The following CNTNAP2 variants were observed in gnomAD, a reference collection of about 807,000 sequenced individuals.
CNTNAP2 encodes contactin associated protein 2.
In CNTNAP2, 98 loss-of-function variants were observed where a neutral mutation model predicts 155.2. That is an observed-to-expected ratio of 0.63 (90% CI 0.54 to 0.75). The LOEUF is 0.75. Among genes scored for constraint, CNTNAP2 ranks in the 30% least tolerant of loss-of-function variants. The probability of loss-of-function intolerance (pLI) is 0.00; values close to 1 mark genes in which losing one functional copy is unlikely to be tolerated. For synonymous variants in CNTNAP2, 651 were observed against 631.2 expected (o/e 1.03, Z -0.47); for missense variants, 1,727 against 1,688.1 (o/e 1.02, Z -0.40).
chr7:147,206,761 A>G lies in CNTNAP2; in HGVS notation c.1348+74252A>G, dbSNP rs76329904. Among the ~76,000 whole-genome samples the G allele has an allele frequency of 5.3e-5, 8 of 152,292 alleles. No individual in the cohort carries two copies. In the East Asian group the frequency reaches 1.5e-3, roughly 29 times the overall value. On this transcript the variant is annotated intron_variant, in intron 8 of 23. Transcript: ENST00000361727. ...CTCACTCATTTTTGTAATCTACCTC[A>G]TTAAAACAATCATAAAAACAAAACA... is the stretch of plus-strand genomic sequence containing the variant.
rs142779277 is a variant in CNTNAP2 at position 148,133,450 on chromosome 7, A to C, written c.2555-14041A>C. Among the ~76,000 whole-genome samples the C allele has an allele frequency of 3.9e-5, 6 of 152,240 alleles. No individual in the cohort carries two copies. The East Asian group carries it at 1.2e-3, about 29-fold the overall frequency. ...GCACTCCAGCCTGGGTGACAGAATG[A>C]GAATCTGTCTCAAATAAAGTAATAA... On this transcript the variant is annotated intron_variant, in intron 16 of 23. Coordinates refer to ENST00000361727, the MANE Select transcript of CNTNAP2 (RefSeq NM_014141.6).
chr7:146,736,262 G>A (rs1801618384), intron 1 of CNTNAP2, among the ~76,000 whole-genome samples: 1 of 152,170 alleles, frequency 6.6e-6, no homozygotes, highest in South Asian at 2.1e-4. Context: ...CTAATCTTCT[G>A]CGGATACCAA....
chr7:146,851,075 C>T (rs541218811), intron 3 of CNTNAP2, among the ~76,000 whole-genome samples: 1 of 152,258 alleles, frequency 6.6e-6, no homozygotes, highest in East Asian at 1.9e-4. Context: ...ACCTCCGCCT[C>T]CCAAGTTCAA....
intron 1 of CNTNAP2, among the ~76,000 whole-genome samples, chr7:146,620,893 A>G (rs1047719240): frequency 6.6e-6 from 1 of 152,212 alleles, no homozygotes; most frequent in Admixed American, 6.5e-5. Context: ...AATTCTAAAT[A>G]TCATGTGGCA....
chr7:146,982,670 A>G (rs569370530), intron 3 of CNTNAP2, among the ~76,000 whole-genome samples: 6 of 152,212 alleles, frequency 3.9e-5, no homozygotes, highest in Non-Finnish European at 8.8e-5. Flanking sequence ...ACCATAAGAT[A>G]CTTATGTATC....
At chr7:147,862,944 T>C (rs1374764072) in intron 13 of CNTNAP2, among the ~76,000 whole-genome samples, 1 of 151,894 alleles carries the variant, frequency 6.6e-6, no homozygotes, top group African/African-American at 2.4e-5. Context: ...TTTTTATATA[T>C]ATATATTTTA....
intron 3 of CNTNAP2, among the ~76,000 whole-genome samples, chr7:147,000,174 A>C (rs2129240743): frequency 6.6e-6 from 1 of 151,984 alleles, no homozygotes; most frequent in Non-Finnish European, 1.5e-5. Context: ...GATTTTTAAA[A>C]TTTCATTTGT....
chr7:146,922,352 A>G (rs1382394039), intron 3 of CNTNAP2, among the ~76,000 whole-genome samples: 2 of 152,042 alleles, frequency 1.3e-5, no homozygotes, highest in African/African-American at 4.8e-5. Context: ...GATTGTGTCA[A>G]ATTTGCATAG....
chr7:146,705,217 C>A (rs344452), intron 1 of CNTNAP2, among the ~76,000 whole-genome samples: 5,078 of 152,208 alleles, frequency 0.033, 106 homozygotes, highest in Middle Eastern at 0.054. Context: ...TTGAATAGGG[C>A]AGACTCTTAG....
At chr7:147,226,713 GGA>G (rs1271190093) in intron 8 of CNTNAP2, among the ~76,000 whole-genome samples, 1 of 152,060 alleles carries the variant, frequency 6.6e-6, no homozygotes, top group Non-Finnish European at 1.5e-5. Flanking sequence ...TGCCTCTTTT[GGA>G]GATTTTCCCA....
At chr7:146,372,794 A>G (rs1457487076) in intron 1 of CNTNAP2, among the ~76,000 whole-genome samples, 1 of 152,144 alleles carries the variant, frequency 6.6e-6, no homozygotes, top group Admixed American at 6.6e-5. Flanking sequence ...TAAGGATGCG[A>G]AGAGAGAGAA....
intron 1 of CNTNAP2, among the ~76,000 whole-genome samples, chr7:146,695,890 A>C (rs1471551867): frequency 6.6e-6 from 1 of 152,186 alleles, no homozygotes; most frequent in Non-Finnish European, 1.5e-5. Flanking sequence ...ATCTGGAATA[A>C]AGCCCACTTA....
chr7:147,467,147 A>C (rs1798134387), intron 10 of CNTNAP2, among the ~76,000 whole-genome samples: 1 of 152,182 alleles, frequency 6.6e-6, no homozygotes, highest in Non-Finnish European at 1.5e-5. Context: ...GAATGCAATG[A>C]TGCTTATCTA....
chr7:146,147,128 A>C (rs761503589), intron 1 of CNTNAP2, among the ~76,000 whole-genome samples: 8 of 152,130 alleles, frequency 5.3e-5, no homozygotes, highest in Non-Finnish European at 8.8e-5. Context: ...CCAGTGATTC[A>C]ATTGCCAGGA....
At chr7:147,727,138 T>C (rs1033686108) in intron 13 of CNTNAP2, among the ~76,000 whole-genome samples, 1 of 151,878 alleles carries the variant, frequency 6.6e-6, no homozygotes, top group Non-Finnish European at 1.5e-5. Flanking sequence ...AGAAGACAGA[T>C]AGCATCCTGA....
intron 9 of CNTNAP2, among the ~76,000 whole-genome samples, chr7:147,347,441 C>CATAT (rs375359219): frequency 1.8e-5 from 1 of 56,570 alleles, no homozygotes; most frequent in Non-Finnish European, 4.4e-5. Flanking sequence ...TATATATATG[C>CATAT]ATATATATAT....
At chr7:147,586,933 G>A (rs1006132182) in intron 12 of CNTNAP2, among the ~76,000 whole-genome samples, 2 of 152,086 alleles carry the variant, frequency 1.3e-5, no homozygotes, top group African/African-American at 4.8e-5. Context: ...ACCCTTTCCA[G>A]CCACTGTCTT....
chr7:147,082,102 G>A (rs1203978373), intron 4 of CNTNAP2: 2 of 152,166 alleles, frequency 1.3e-5, no homozygotes, highest in Non-Finnish European at 2.9e-5. Context: ...GGAAAAAAAA[G>A]AAAGGTAAAG....
intron 1 of CNTNAP2, chr7:146,117,276 G>C (rs549089177): frequency 2.7e-6 from 1 of 374,284 alleles, no homozygotes; most frequent in African/African-American, 2.0e-5. Flanking sequence ...AGTTGTTTGT[G>C]CAGGGAGAGT....
Sources: allele counts gnomAD v4.1 joint callset (sites outside exome capture counted in the v4.1 genomes callset), GRCh38; gene constraint gnomAD v4.1.1; transcripts MANE v1.5; gene names NCBI Gene and HGNC (gene_info 2026-07-23, HGNC 2026-07-21).